MACROD2: variants seen among roughly 807,000 people sequenced by gnomAD.
MACROD2 encodes ADP-ribose glycohydrolase MACROD2.
In MACROD2, 36 loss-of-function variants were observed where a neutral mutation model predicts 70.4. That is an observed-to-expected ratio of 0.51 (90% confidence interval 0.39 to 0.68). MACROD2 has a LOEUF of 0.68. MACROD2 is among the 30% of genes least tolerant of loss of function. MACROD2 has a pLI of 0.00. For missense variants in MACROD2, 496 were observed against 538.4 expected (o/e 0.92, Z 0.78); for synonymous variants, 172 against 178.8 (o/e 0.96, Z 0.30).
chr20:14,159,374 C>T (rs34888160), intron 3 of MACROD2, among the ~76,000 whole-genome samples: 1 of 152,144 alleles, frequency 6.6e-6, no homozygotes, highest in African/African-American at 2.4e-5. Flanking sequence ...CATAGGATAT[C>T]TTTCCATTTG....
At chr20:14,187,139 G>GAAAA (rs71335951) in intron 3 of MACROD2, among the ~76,000 whole-genome samples, 6 of 112,974 alleles carry the variant, frequency 5.3e-5, no homozygotes, top group African/African-American at 1.0e-4. Flanking sequence ...TTTAAAAAAG[G>GAAAA]AAAAAAAAAA....
intron 8 of MACROD2, among the ~76,000 whole-genome samples, chr20:15,785,282 A>G (rs1442444838): frequency 6.6e-6 from 1 of 152,226 alleles, no homozygotes; most frequent in Non-Finnish European, 1.5e-5. Context: ...ACAAAACAAA[A>G]CAAAAAAACA....
At chr20:14,289,810 G>A (rs1391357060) in intron 3 of MACROD2, among the ~76,000 whole-genome samples, 1 of 152,104 alleles carries the variant, frequency 6.6e-6, no homozygotes, top group Non-Finnish European at 1.5e-5. Flanking sequence ...CAAAGTGGTG[G>A]GATTACAGGT....
intron 2 of MACROD2, among the ~76,000 whole-genome samples, chr20:14,077,925 G>A (rs567470493): frequency 1.3e-4 from 19 of 148,902 alleles, no homozygotes; most frequent in African/African-American, 4.2e-4. Flanking sequence ...TTTTTGAGAC[G>A]GAGTTTCACT....
intron 5 of MACROD2, among the ~76,000 whole-genome samples, chr20:15,024,990 T>C (rs542824059): frequency 3.6e-4 from 55 of 152,266 alleles, no homozygotes; most frequent in African/African-American, 1.3e-3. Flanking sequence ...CAAAAGAAGA[T>C]TTCTCACCAT....
chr20:14,292,500 C>T (rs1179548940), intron 3 of MACROD2, among the ~76,000 whole-genome samples: 2 of 151,868 alleles, frequency 1.3e-5, no homozygotes, highest in Admixed American at 1.3e-4. Context: ...AGTAGGACAT[C>T]AACAGTGACT....
intron 15 of MACROD2, among the ~76,000 whole-genome samples, chr20:16,005,189 G>A (rs1056146585): frequency 2.0e-5 from 3 of 152,112 alleles, no homozygotes; most frequent in Non-Finnish European, 2.9e-5. Context: ...AAATAGGATC[G>A]GGGGCATAAC....
chr20:14,074,333 G>A (rs2053889349), intron 2 of MACROD2, among the ~76,000 whole-genome samples: 1 of 152,140 alleles, frequency 6.6e-6, no homozygotes, highest in Non-Finnish European at 1.5e-5. Context: ...ATACGGGTAG[G>A]ATTAGATTTA....
chr20:14,735,204 C>T (rs2071648697), intron 5 of MACROD2, among the ~76,000 whole-genome samples: 1 of 151,990 alleles, frequency 6.6e-6, no homozygotes, highest in Admixed American at 6.6e-5. Flanking sequence ...AAAGGACAGC[C>T]CACTGAATGA....
At chr20:15,577,620 C>T (rs1266086258) in intron 8 of MACROD2, among the ~76,000 whole-genome samples, 2 of 127,998 alleles carry the variant, frequency 1.6e-5, no homozygotes, top group African/African-American at 6.8e-5. Context: ...TCCGTGCGTG[C>T]GTACTCCCTG....
chr20:14,467,303 G>A (rs1183110039), intron 3 of MACROD2, among the ~76,000 whole-genome samples: 2 of 152,030 alleles, frequency 1.3e-5, no homozygotes, highest in African/African-American at 4.8e-5. Context: ...CTAGCAATGA[G>A]CGAGGTTCCG....
At chr20:14,698,174 G>C (rs1600554567) in intron 5 of MACROD2, among the ~76,000 whole-genome samples, 1 of 152,070 alleles carries the variant, frequency 6.6e-6, no homozygotes, top group Non-Finnish European at 1.5e-5. Flanking sequence ...TTTTACTTGG[G>C]GGCCCTTCCT....
At chr20:14,186,570 T>A (rs1443703079) in intron 3 of MACROD2, among the ~76,000 whole-genome samples, 1 of 152,134 alleles carries the variant, frequency 6.6e-6, no homozygotes, top group Non-Finnish European at 1.5e-5. Flanking sequence ...TAGAACTACC[T>A]TTTGACCCAG....
chr20:14,022,274 AGT>A (rs1569119784), intron 2 of MACROD2, among the ~76,000 whole-genome samples: 10 of 152,166 alleles, frequency 6.6e-5, no homozygotes, highest in Admixed American at 4.6e-4. Context: ...CTTAGAATAA[AGT>A]ATTATTTCTT....
intron 5 of MACROD2, among the ~76,000 whole-genome samples, chr20:14,685,281 C>G (rs1337013082): frequency 1.3e-5 from 2 of 152,058 alleles, no homozygotes; most frequent in Admixed American, 1.3e-4. Context: ...CATTTAAGTG[C>G]CACAGAGTGA....
chr20:14,393,353 A>T (rs1271683712), intron 3 of MACROD2, among the ~76,000 whole-genome samples: 3 of 152,160 alleles, frequency 2.0e-5, no homozygotes, highest in Non-Finnish European at 4.4e-5. Context: ...GTTCTTTATG[A>T]TCTAACTCCA....
At position 15,772,097 on chromosome 20, in the gene MACROD2, A is replaced by AT. The variant is rs1305604286; in HGVS notation, c.646-90648_646-90647insT. Among the ~76,000 whole-genome samples the AT allele has an allele frequency of 9.0e-3, 836 of 93,016 alleles. 3 individuals carry two copies. Among genetic ancestry groups the AT allele is most frequent in the East Asian group, 0.031 (59 of 1,932 alleles). 61.0% of individuals were successfully genotyped at this position (93,016 alleles called of 152,430 possible). A position where few individuals can be genotyped will look rare whatever the true frequency, so the allele number is the denominator to read the frequency against. Reference sequence around the variant, plus strand: ...GAGACTCGGTCTCAAAAAAAAAAAAAAAAAATATATATATATATATATATA... The same window carrying AT: ...GAGACTCGGTCTCAAAAAAAAAAAAATAAAAATATATATATATATATATATA... On this transcript the variant is annotated intron_variant, in intron 8 of 17. Coordinates refer to ENST00000684519, the MANE Select transcript of MACROD2 (RefSeq NM_001351661.2).
chr20:14,974,202 G>A (rs969405229), intron 5 of MACROD2, among the ~76,000 whole-genome samples: 2 of 152,198 alleles, frequency 1.3e-5, no homozygotes, highest in Non-Finnish European at 2.9e-5. Flanking sequence ...TAGCGGAGTA[G>A]GGGATTGTCT....
At chr20:15,514,355 G>A (rs568103174) in intron 8 of MACROD2, among the ~76,000 whole-genome samples, 102 of 152,240 alleles carry the variant, frequency 6.7e-4, no homozygotes, top group African/African-American at 2.3e-3. Flanking sequence ...GTATGTAGGT[G>A]TGCCATTTTT....
Sources: gnomAD v4.1 joint callset for allele counts (sites outside exome capture counted in the v4.1 genomes callset) on GRCh38, gnomAD v4.1.1 for gene constraint, MANE v1.5 for transcripts, NCBI Gene and HGNC (gene_info 2026-07-23, HGNC 2026-07-21) for gene names.